Variants in BRINP3 observed in about 807,000 individuals in gnomAD.
BRINP3 encodes BMP/retinoic acid inducible neural specific 3.
In BRINP3, 19 loss-of-function variants were observed where a neutral mutation model predicts 71.0. The observed-to-expected ratio is 0.27, with a 90% CI of 0.19 to 0.39. The LOEUF is 0.39. Among genes scored for constraint, BRINP3 ranks in the 10% least tolerant of loss-of-function variants. BRINP3 has a pLI of 1.00. For missense variants in BRINP3, 959 were observed against 940.8 expected (o/e 1.02, Z -0.25); for synonymous variants, 380 against 337.7 (o/e 1.13, Z -1.37).
At chr1:190,457,254 C>T (rs955425973) in intron 1 of BRINP3, among the ~76,000 whole-genome samples, 1 of 152,072 alleles carries the variant, frequency 6.6e-6, no homozygotes, top group African/African-American at 2.4e-5. Context: ...CCAGCCTGGA[C>T]AACATGGTGA....
chr1:190,394,059 A>G (rs1391522464), intron 2 of BRINP3, among the ~76,000 whole-genome samples: 2 of 151,642 alleles, frequency 1.3e-5, no homozygotes, highest in African/African-American at 2.4e-5. Flanking sequence ...TGTCAACTAT[A>G]TTGAATTTTT....
At chr1:190,323,725 A>G (rs987580007) in intron 2 of BRINP3, among the ~76,000 whole-genome samples, 1 of 151,998 alleles carries the variant, frequency 6.6e-6, no homozygotes, top group Non-Finnish European at 1.5e-5. Flanking sequence ...CATGACAAGC[A>G]TGACATGATC....
intron 7 of BRINP3, among the ~76,000 whole-genome samples, chr1:190,111,183 A>T (rs1361714053): frequency 1.9e-4 from 1 of 5,214 alleles, no homozygotes; most frequent in Non-Finnish European, 1.7e-3. Flanking sequence ...AGACTCCATT[A>T]AAAAAAAAAA....
In BRINP3 at chr1:190,341,639, A is replaced by G. The variant is rs1204812073; in HGVS notation, c.237-59889T>C. The stretch of plus-strand genomic sequence containing the variant: ...CTAGATTTCAAAGAGTTATCTTTTG[A>G]CTGGCTTTACAAGATGACATTATTT... On this transcript the variant is annotated intron_variant, in intron 2 of 7. Coordinates refer to ENST00000367462, the MANE Select transcript of BRINP3 (RefSeq NM_199051.3). Among the ~76,000 whole-genome samples, 4 of 151,814 alleles carry G rather than the reference A, an allele frequency of 2.6e-5. No individual in the cohort carries two copies. In the East Asian group the frequency reaches 7.8e-4, roughly 30 times the overall value.
At chr1:190,171,975 G>T (rs890712787) in intron 6 of BRINP3, among the ~76,000 whole-genome samples, 2 of 150,686 alleles carry the variant, frequency 1.3e-5, no homozygotes, top group Non-Finnish European at 3.0e-5. Context: ...GCCAGTTGTG[G>T]CTGTAGTCCC....
At position 190,101,137 on chromosome 1, in the gene BRINP3, T is replaced by A. The variant is rs570818960; in HGVS notation, c.1185-2003A>T. 1.1e-4 allele frequency among the ~76,000 whole-genome samples: 17 copies of A among 152,276 alleles called. No individual in the cohort carries two copies. The South Asian group carries it at 3.5e-3, about 32-fold the overall frequency. On this transcript the variant is annotated intron_variant, in intron 7 of 7. Transcript: ENST00000367462. ...GAAACCTGAACCAATACATTTCTGT[T>A]CATTATAATTACCGAGTCTGTGATA...
intron 1 of BRINP3, among the ~76,000 whole-genome samples, chr1:190,464,980 C>A (rs1676643094): frequency 1.3e-5 from 2 of 151,942 alleles, no homozygotes; most frequent in Admixed American, 1.3e-4. Flanking sequence ...CCTGTCAATA[C>A]AGTCTTGTCC....
intron 2 of BRINP3, among the ~76,000 whole-genome samples, chr1:190,347,297 C>T (rs186428265): frequency 2.0e-4 from 31 of 152,106 alleles, no homozygotes; most frequent in Admixed American, 1.2e-3. Flanking sequence ...CGTGCCACCA[C>T]GCCCTGCCAA....
chr1:190,164,215 C>T (rs766136976), intron 6 of BRINP3, among the ~76,000 whole-genome samples: 1 of 152,118 alleles, frequency 6.6e-6, no homozygotes, highest in Non-Finnish European at 1.5e-5. Context: ...AACCTCTATT[C>T]AGAACTGCTT....
intron 7 of BRINP3, among the ~76,000 whole-genome samples, chr1:190,115,869 CT>C (rs1198536430): frequency 5.3e-5 from 8 of 152,046 alleles, no homozygotes; most frequent in African/African-American, 1.9e-4. Flanking sequence ...ATTTGGCTTT[CT>C]TTTTACATTC....
chr1:190,328,201 T>G (rs184737234), intron 2 of BRINP3, among the ~76,000 whole-genome samples: 171 of 151,902 alleles, frequency 1.1e-3, no homozygotes, highest in African/African-American at 3.1e-3. Context: ...AAGAAATAAC[T>G]AAAATCGGAG....
chr1:190,382,566 G>A (rs1039367927), intron 2 of BRINP3, among the ~76,000 whole-genome samples: 7 of 152,020 alleles, frequency 4.6e-5, no homozygotes, highest in African/African-American at 4.8e-5. Flanking sequence ...TAATCTTCCC[G>A]AGGAAAAGAC....
intron 2 of BRINP3, among the ~76,000 whole-genome samples, chr1:190,409,247 A>C (rs1442162022): frequency 9.2e-5 from 14 of 152,154 alleles, no homozygotes; most frequent in Admixed American, 9.2e-4. Flanking sequence ...AAAAATAATA[A>C]TAGTAAATAA....
rs537164073 is a variant in BRINP3, at chr1:190,338,627, G to T, written c.237-56877C>A. ...ACGGAAATACACTGAACAAATTTTA[G>T]ACACATGCCTGTTTTTGTCTATCAA... On this transcript the variant is annotated intron_variant, in intron 2 of 7. Transcript: ENST00000367462. Among the ~76,000 whole-genome samples the T allele has an allele frequency of 8.5e-5, 13 of 152,048 alleles. No homozygotes were observed. In the South Asian group the frequency reaches 2.5e-3, roughly 29 times the overall value.
At chr1:190,180,951 A>T (rs1322880501) in intron 6 of BRINP3, among the ~76,000 whole-genome samples, 1 of 152,046 alleles carries the variant, frequency 6.6e-6, no homozygotes, top group Non-Finnish European at 1.5e-5. Context: ...CAGGAAATTA[A>T]TAGGCATAAT....
chr1:190,115,761 G>A (rs941513764), intron 7 of BRINP3, among the ~76,000 whole-genome samples: 1 of 152,092 alleles, frequency 6.6e-6, no homozygotes, highest in Non-Finnish European at 1.5e-5. Context: ...GTGGGAAACC[G>A]AAGGTGACAT....
intron 7 of BRINP3, chr1:190,154,160 C>A (rs929922124): frequency 1.5e-5 from 10 of 674,960 alleles, no homozygotes; most frequent in African/African-American, 2.0e-5. Context: ...CCCTTAAGAA[C>A]CAATTTAGGA....
chr1:190,130,836 C>A (rs1654479428), intron 7 of BRINP3, among the ~76,000 whole-genome samples: 1 of 151,844 alleles, frequency 6.6e-6, no homozygotes. Flanking sequence ...TGCCCCTGCC[C>A]CTTTTACTGA....
intron 4 of BRINP3, among the ~76,000 whole-genome samples, chr1:190,264,409 G>T (rs1661470742): frequency 6.6e-6 from 1 of 151,974 alleles, no homozygotes; most frequent in African/African-American, 2.4e-5. Flanking sequence ...AAACATTGAG[G>T]GGTCATTTTC....
Sources: gnomAD v4.1 joint callset for allele counts (sites outside exome capture counted in the v4.1 genomes callset) on GRCh38, gnomAD v4.1.1 for gene constraint, MANE v1.5 for transcripts, NCBI Gene and HGNC (gene_info 2026-07-23, HGNC 2026-07-21) for gene names.